SRGAP3: variants seen among roughly 807,000 people sequenced by gnomAD.
SRGAP3 encodes SLIT-ROBO Rho GTPase-activating protein 3.
A neutral mutation model predicts 121.1 loss-of-function variants in SRGAP3; 39 were observed. The observed-to-expected ratio is 0.32, with a 90% CI of 0.25 to 0.42. The LOEUF is 0.42. Among genes scored for constraint, SRGAP3 ranks in the 10% least tolerant of loss-of-function variants. SRGAP3 has a pLI of 1.00. For missense variants in SRGAP3, 1,213 were observed against 1,470.6 expected, an observed-to-expected ratio of 0.82 and a Z score of 2.86; for synonymous variants, 601 against 570.0, an observed-to-expected ratio of 1.05 and a Z score of -0.77.
At chr3:9,242,820 G>T (rs924767645) in intron 1 of SRGAP3, among the ~76,000 whole-genome samples, 1 of 152,118 alleles carries the variant, frequency 6.6e-6, no homozygotes, top group Non-Finnish European at 1.5e-5. Context: ...GAGTAGCTGG[G>T]ATTACAGGCA....
At chr3:9,286,101 G>C (rs1574972361) in intron 3 of SRGAP3, among the ~76,000 whole-genome samples, 2 of 142,820 alleles carry the variant, frequency 1.4e-5, no homozygotes, top group East Asian at 4.1e-4. Flanking sequence ...GACAAAGCGA[G>C]ACCCTATCTC....
chr3:9,103,413 GAAC>G (rs1948292377), intron 3 of SRGAP3, among the ~76,000 whole-genome samples: 2 of 152,114 alleles, frequency 1.3e-5, no homozygotes, highest in African/African-American at 4.8e-5. Flanking sequence ...CTGTACACAG[GAAC>G]AACAAGCCTG....
At chr3:9,202,238 C>T (rs1054483132) in intron 1 of SRGAP3, among the ~76,000 whole-genome samples, 1 of 152,182 alleles carries the variant, frequency 6.6e-6, no homozygotes, top group Non-Finnish European at 1.5e-5. Context: ...TTAGCTCGCC[C>T]TTGAGGCAGT....
chr3:9,208,868 T>A (rs542299223), intron 1 of SRGAP3, among the ~76,000 whole-genome samples: 1 of 152,236 alleles, frequency 6.6e-6, no homozygotes, highest in Non-Finnish European at 1.5e-5. Context: ...TCCAGCGTTA[T>A]TGCAAGCATT....
intron 1 of SRGAP3, among the ~76,000 whole-genome samples, chr3:9,164,249 A>T (rs1950702496): frequency 7.7e-6 from 1 of 130,390 alleles, no homozygotes; most frequent in Non-Finnish European, 1.8e-5. Flanking sequence ...CTGAGCTTGG[A>T]CCCCAAATCT....
intron 4 of SRGAP3, among the ~76,000 whole-genome samples, chr3:9,066,575 C>T (rs6775084): frequency 0.023 from 3,463 of 152,250 alleles, 141 homozygotes; most frequent in African/African-American, 0.078. Flanking sequence ...TCTTGGCTCA[C>T]TGCAACCTCC....
At position 9,234,863 on chromosome 3, in the gene SRGAP3, G is replaced by T. The variant is rs149300297; in HGVS notation, c.67+14022C>A. On this transcript the variant is annotated intron_variant, in intron 1 of 21. Coordinates refer to ENST00000383836, the MANE Select transcript of SRGAP3 (RefSeq NM_014850.4). ...GGGAGGGTCTCCAGCTGCTGAAGATGAATCCTTTGCCCTAGACAAGCCTCT... is the reference window on the plus strand; with the variant it reads ...GGGAGGGTCTCCAGCTGCTGAAGATTAATCCTTTGCCCTAGACAAGCCTCT... Among the ~76,000 whole-genome samples the T allele has an allele frequency of 7.2e-5, 11 of 152,294 alleles. No individual in the cohort carries two copies. In the East Asian group the frequency reaches 2.1e-3, roughly 29 times the overall value.
chr3:9,294,694 T>TTGTGTGTGTGTG (rs1954922319), intron 3 of SRGAP3, among the ~76,000 whole-genome samples: 1 of 53,984 alleles, frequency 1.9e-5, no homozygotes, highest in Non-Finnish European at 4.8e-5. Flanking sequence ...ATTGAAGCTT[T>TTGTGTGTGTGTG]CGTGTGTGTG....
chr3:9,225,857 C>T (rs1952969764), intron 1 of SRGAP3, among the ~76,000 whole-genome samples: 1 of 152,208 alleles, frequency 6.6e-6, no homozygotes, highest in African/African-American at 2.4e-5. Context: ...AATCGGTGCT[C>T]ATCCCCAGAA....
At chr3:9,029,960 G>A (rs907385373) in intron 12 of SRGAP3, among the ~76,000 whole-genome samples, 1 of 147,558 alleles carries the variant, frequency 6.8e-6, no homozygotes, top group South Asian at 2.2e-4. Flanking sequence ...GAACAACATG[G>A]TAAGATCCTG....
chr3:9,202,924 T>C (rs903421820), intron 1 of SRGAP3, among the ~76,000 whole-genome samples: 51 of 152,172 alleles, frequency 3.4e-4, no homozygotes, highest in Admixed American at 1.3e-4. Context: ...CAGTGACTGG[T>C]TGATGGGAGG....
rs528983319 is a variant in SRGAP3 at position 9,338,834 on chromosome 3, C to G, written n.215-8238G>C. ...CAACTGTAGACAGAAATATTCTGCT[C>G]TCATTACATGCCAAACCAATGGCAC... On this transcript the variant is annotated intron_variant and non_coding_transcript_variant, in intron 1 of 3. Coordinates refer to the SRGAP3 transcript ENST00000490889. Among the ~76,000 whole-genome samples the G allele has an allele frequency of 2.0e-5, 3 of 152,296 alleles. No homozygotes were observed. The South Asian group carries it at 6.2e-4, about 32-fold the overall frequency.
At position 9,348,286 on chromosome 3, in the gene SRGAP3, A is replaced by G. The variant is rs186402052; in HGVS notation, n.214+14554T>C. On this transcript the variant is annotated intron_variant and non_coding_transcript_variant, in intron 1 of 3. Transcript: ENST00000490889. ...CAGTAAGGGTAGCAGAGAATATGCA[A>G]TGACTAAGGAAGAGAGAAAACAAGA... Among the ~76,000 whole-genome samples the G allele has an allele frequency of 3.5e-3, 526 of 152,316 alleles. 5 individuals carry two copies. Among genetic ancestry groups the G allele is most frequent in the Non-Finnish European group, 3.4e-3 (233 of 68,016 alleles).
intron 1 of SRGAP3, among the ~76,000 whole-genome samples, chr3:9,127,171 A>C (rs1296680957): frequency 1.3e-5 from 2 of 152,126 alleles, no homozygotes; most frequent in Non-Finnish European, 2.9e-5. Context: ...AAACTTAAAA[A>C]AAAAAAAAGT....
At chr3:9,359,528 A>G (rs551653269) in intron 1 of SRGAP3, among the ~76,000 whole-genome samples, 27 of 152,348 alleles carry the variant, frequency 1.8e-4, no homozygotes, top group Non-Finnish European at 2.9e-4. Context: ...AAAAAAATAC[A>G]TGCTCTAAAC....
intron 1 of SRGAP3, among the ~76,000 whole-genome samples, chr3:9,162,764 G>C (rs1575167558): frequency 6.6e-6 from 1 of 152,212 alleles, no homozygotes; most frequent in East Asian, 1.9e-4. Context: ...TAACCTCACT[G>C]AGTCTCAGCT....
rs1199524550 is a variant in SRGAP3 at position 9,030,724 on chromosome 3, T to A, written c.1539+1926A>T. 2.0e-5 allele frequency among the ~76,000 whole-genome samples: 3 copies of A among 152,340 alleles called. No individual in the cohort carries two copies. In the East Asian group the frequency reaches 5.8e-4, roughly 29 times the overall value. On this transcript the variant is annotated intron_variant, in intron 12 of 21. Coordinates refer to ENST00000383836, the MANE Select transcript of SRGAP3 (RefSeq NM_014850.4). Reference sequence around the variant, plus strand: ...CTCAACAGAATATCTACTTGTCAAGTACTGTCAGATAAGAGTTGATTCCTT... The same window carrying A: ...CTCAACAGAATATCTACTTGTCAAGAACTGTCAGATAAGAGTTGATTCCTT...
upstream of SRGAP3, among the ~76,000 whole-genome samples, chr3:9,253,323 A>G (rs1268865559): frequency 6.6e-6 from 1 of 152,190 alleles, no homozygotes; most frequent in Admixed American, 6.5e-5. Context: ...CTATAATTAC[A>G]TTGTTTCAAT....
intron 4 of SRGAP3, among the ~76,000 whole-genome samples, chr3:9,076,098 A>T (rs1946963597): frequency 6.6e-6 from 1 of 152,198 alleles, no homozygotes; most frequent in East Asian, 1.9e-4. Context: ...GTGCTTGCAC[A>T]TTGGGATTTG....
Sources: gnomAD v4.1 joint callset for allele counts (sites outside exome capture counted in the v4.1 genomes callset) on GRCh38, gnomAD v4.1.1 for gene constraint, MANE v1.5 for transcripts, NCBI Gene and HGNC (gene_info 2026-07-23, HGNC 2026-07-21) for gene names.